Variants in MBD5 observed in about 807,000 individuals in gnomAD.
The protein encoded by MBD5 is methyl-CpG binding domain protein 5, also known as methyl-CpG-binding domain protein 5.
In MBD5, 13 loss-of-function variants were observed where a neutral mutation model predicts 117.3. The ratio of observed to expected loss-of-function variants is 0.11; its 90% CI spans 0.07 to 0.18. The LOEUF (loss-of-function observed/expected upper bound fraction) is 0.18, where lower values mean the gene tolerates loss of function less well. MBD5 is among the 10% of genes least tolerant of loss of function. The pLI, the probability that MBD5 is intolerant of heterozygous loss-of-function variation, is 1.00. For missense variants in MBD5, 1,879 were observed against 2,093.8 expected (o/e 0.90, Z 2.00); for synonymous variants, 727 against 766.4 (o/e 0.95, Z 0.85).
intron 11 of MBD5, among the ~76,000 whole-genome samples, chr2:148,499,596 ATTATC>A (rs945255668): frequency 6.6e-6 from 1 of 152,216 alleles, no homozygotes; most frequent in African/African-American, 2.4e-5. Context: ...AGATAAAAGT[ATTATC>A]TTAAATTAGT....
At chr2:148,194,708 T>G (rs1480018359) in intron 2 of MBD5, among the ~76,000 whole-genome samples, 1 of 123,182 alleles carries the variant, frequency 8.1e-6, no homozygotes, top group Non-Finnish European at 1.7e-5. Context: ...CATGTATACA[T>G]ATGTAACTAA....
chr2:148,083,747 C>G (rs981969408), intron 1 of MBD5, among the ~76,000 whole-genome samples: 1 of 152,088 alleles, frequency 6.6e-6, no homozygotes, highest in African/African-American at 2.4e-5. Context: ...CCTGCCTCAG[C>G]CTCCTGAGTA....
At chr2:148,212,154 C>T (rs564011180) in intron 2 of MBD5, among the ~76,000 whole-genome samples, 16 of 152,314 alleles carry the variant, frequency 1.1e-4, no homozygotes, top group Admixed American at 2.6e-4. Flanking sequence ...AGTATATTCA[C>T]AGTGTTGTAT....
intron 1 of MBD5, among the ~76,000 whole-genome samples, chr2:148,065,247 T>G (rs1695155573): frequency 6.6e-6 from 1 of 152,200 alleles, no homozygotes. Flanking sequence ...ACCTAGCAGA[T>G]CTTTTTTCAG....
At chr2:148,231,245 TC>T (rs1337801697) in intron 2 of MBD5, among the ~76,000 whole-genome samples, 1 of 152,182 alleles carries the variant, frequency 6.6e-6, no homozygotes, top group African/African-American at 2.4e-5. Context: ...GATTGGCGAT[TC>T]CTTTCTGGCT....
chr2:148,047,784 C>A (rs1052575819), intron 1 of MBD5, among the ~76,000 whole-genome samples: 59 of 152,268 alleles, frequency 3.9e-4, no homozygotes, highest in African/African-American at 1.3e-3. Flanking sequence ...CAAAGTGATA[C>A]CTTAGCTAAA....
chr2:148,454,515 C>T (rs545612770), intron 4 of MBD5, among the ~76,000 whole-genome samples: 4 of 151,840 alleles, frequency 2.6e-5, no homozygotes, highest in Non-Finnish European at 5.9e-5. Context: ...TATAAAATTT[C>T]AAAATACATA....
At chr2:148,198,698 A>G (rs1009193210) in intron 2 of MBD5, among the ~76,000 whole-genome samples, 2 of 152,076 alleles carry the variant, frequency 1.3e-5, no homozygotes, top group African/African-American at 4.8e-5. Context: ...AAATGTTCAT[A>G]TGATAACTTC....
At chr2:148,150,847 A>G (rs1418783560) in intron 1 of MBD5, among the ~76,000 whole-genome samples, 2 of 152,174 alleles carry the variant, frequency 1.3e-5, no homozygotes, top group East Asian at 1.9e-4. Context: ...TTGGGCTGAG[A>G]CAATGGGGTG....
intron 4 of MBD5, among the ~76,000 whole-genome samples, chr2:148,362,231 C>T (rs1339105137): frequency 6.6e-6 from 1 of 152,184 alleles, no homozygotes; most frequent in Non-Finnish European, 1.5e-5. Context: ...AGCTAAGATC[C>T]ACTGGCTTGA....
At chr2:148,332,891 C>T (rs1702695657) in intron 3 of MBD5, among the ~76,000 whole-genome samples, 1 of 151,928 alleles carries the variant, frequency 6.6e-6, no homozygotes, top group Non-Finnish European at 1.5e-5. Context: ...TTGGTTCTCT[C>T]CTTCTGTTAT....
At chr2:148,434,081 T>TG (rs1706078466) in intron 4 of MBD5, among the ~76,000 whole-genome samples, 1 of 152,114 alleles carries the variant, frequency 6.6e-6, no homozygotes, top group African/African-American at 2.4e-5. Flanking sequence ...ATTATTGGTC[T>TG]GTTCAGGGAT....
At chr2:148,448,185 T>G (rs1330718781) in intron 4 of MBD5, among the ~76,000 whole-genome samples, 1 of 152,160 alleles carries the variant, frequency 6.6e-6, no homozygotes, top group African/African-American at 2.4e-5. Flanking sequence ...GTGAGCTACA[T>G]AAACACAGTA....
intron 1 of MBD5, among the ~76,000 whole-genome samples, chr2:148,165,696 A>G (rs938146944): frequency 2.0e-5 from 3 of 152,234 alleles, no homozygotes; most frequent in East Asian, 1.9e-4. Context: ...TATTATAAAT[A>G]TCTATGTCTA....
At chr2:148,386,287 T>C (rs1030453513) in intron 4 of MBD5, among the ~76,000 whole-genome samples, 3 of 152,156 alleles carry the variant, frequency 2.0e-5, no homozygotes, top group African/African-American at 7.2e-5. Context: ...CTGAAATTAC[T>C]TAATTTGAAA....
chr2:148,177,683 G>A (rs1189630195), intron 1 of MBD5, among the ~76,000 whole-genome samples: 1 of 152,122 alleles, frequency 6.6e-6, no homozygotes, highest in Non-Finnish European at 1.5e-5. Context: ...CTTCCTTCAT[G>A]CTTTTTAAAA....
intron 4 of MBD5, among the ~76,000 whole-genome samples, chr2:148,394,246 G>A (rs1704641046): frequency 6.6e-6 from 1 of 151,944 alleles, no homozygotes; most frequent in African/African-American, 2.4e-5. Context: ...CTCTTTCTAT[G>A]TTTCCTGGAA....
At chr2:148,136,355 C>T (rs750776394) in intron 1 of MBD5, among the ~76,000 whole-genome samples, 5 of 151,826 alleles carry the variant, frequency 3.3e-5, no homozygotes, top group Non-Finnish European at 7.4e-5. Flanking sequence ...ACAAGTTGTA[C>T]ATAGATAAGT....
chr2:148,403,021 T>C (rs1394873557), intron 4 of MBD5, among the ~76,000 whole-genome samples: 1 of 152,154 alleles, frequency 6.6e-6, no homozygotes, highest in Non-Finnish European at 1.5e-5. Flanking sequence ...AATCTTTTCT[T>C]CTGCAATGTC....
Sources: allele counts gnomAD v4.1 joint callset (sites outside exome capture counted in the v4.1 genomes callset), GRCh38; gene constraint gnomAD v4.1.1; transcripts MANE v1.5; gene names NCBI Gene and HGNC (gene_info 2026-07-23, HGNC 2026-07-21).